The following RASA2 variants were observed in gnomAD, a reference collection of about 807,000 sequenced individuals.
RASA2 encodes the protein RAS p21 protein activator 2.
RASA2 carries 155 observed loss-of-function variants against 118.2 expected under a neutral mutation model. The observed-to-expected ratio is 1.31, with a 90% CI of 1.15 to 1.50. The LOEUF (loss-of-function observed/expected upper bound fraction) is 1.50, where lower values mean the gene tolerates loss of function less well. RASA2 is among the 40% of genes most tolerant of loss of function. The pLI is 0.00. For missense variants in RASA2, 1,016 were observed against 1,009.6 expected (o/e 1.01, Z -0.09); for synonymous variants, 353 against 349.1 (o/e 1.01, Z -0.12).
intron 1 of RASA2, among the ~76,000 whole-genome samples, chr3:141,500,495 A>G (rs1667825238): frequency 6.6e-6 from 1 of 152,184 alleles, no homozygotes; most frequent in African/African-American, 2.4e-5. Context: ...CTTTTCTACT[A>G]ATCACTTAAC....
At position 141,580,084 on chromosome 3, in the gene RASA2, AAATATATAT is replaced by A. The variant is rs1210298757; in HGVS notation, c.1591-282_1591-274del. Among the ~76,000 whole-genome samples, 266 of 88,886 alleles carry A rather than the reference AAATATATAT, an allele frequency of 3.0e-3. 7 individuals are homozygous for A. Among genetic ancestry groups the A allele is most frequent in the African/African-American group, 0.012 (231 of 19,744 alleles). The allele number at this position is 88,886 out of a possible 152,430, so 58.3% of individuals were successfully genotyped here. A position where few individuals can be genotyped will look rare whatever the true frequency, so the allele number is the denominator to read the frequency against. On this transcript the variant is annotated intron_variant, in intron 15 of 23. Transcript: ENST00000286364. ...AAAAAAAAAAGAAAAAAAAAAAAAA[AAATATATAT>A]ATATATATATATATATATATATATG... is the stretch of plus-strand genomic sequence containing the variant.
chr3:141,495,338 C>G (rs1222587538), intron 1 of RASA2, among the ~76,000 whole-genome samples: 2 of 152,176 alleles, frequency 1.3e-5, no homozygotes, highest in African/African-American at 4.8e-5. Flanking sequence ...CCTGTTAACT[C>G]TTAACCTACT....
chr3:141,584,678 G>C (rs1030178072), intron 17 of RASA2, among the ~76,000 whole-genome samples: 4 of 152,048 alleles, frequency 2.6e-5, no homozygotes, highest in African/African-American at 9.7e-5. Context: ...AATATTTTAG[G>C]CTTTGCTGAT....
Position 141,487,076 on chromosome 3 carries a change from GC to G in RASA2, c.-7del. ...GCGGCAGGGCTGCGGCACGGGCCGG[GC>G]GGCACCATGGCGGCGGCGGCGCCTG... is the stretch of plus-strand genomic sequence containing the variant. On this transcript the variant is annotated 5_prime_UTR_variant, in exon 1 of 24. Transcript: ENST00000286364. 2 of 1,334,960 alleles carry G rather than the reference GC, an allele frequency of 1.5e-6. No individual in the cohort carries two copies. Among genetic ancestry groups the G allele is most frequent in the Non-Finnish European group, 1.9e-6 (2 of 1,030,528 alleles). The allele number at this position is 1,334,960 out of a possible 1,614,324, so 82.7% of individuals were successfully genotyped here. A position where few individuals can be genotyped will look rare whatever the true frequency, so the allele number is the denominator to read the frequency against.
chr3:141,584,506 A>C (rs542555471), intron 17 of RASA2, among the ~76,000 whole-genome samples: 6 of 152,098 alleles, frequency 3.9e-5, no homozygotes, highest in Non-Finnish European at 8.8e-5. Context: ...GGATACTATA[A>C]ATTTTCTTGA....
chr3:141,569,421 A>G (rs1275998452), intron 9 of RASA2, among the ~76,000 whole-genome samples: 1 of 152,156 alleles, frequency 6.6e-6, no homozygotes, highest in Non-Finnish European at 1.5e-5. Flanking sequence ...GTTGAGTTCA[A>G]TTGTTTTTGC....
At chr3:141,524,453 C>T (rs1041249921) in intron 3 of RASA2, among the ~76,000 whole-genome samples, 2 of 152,148 alleles carry the variant, frequency 1.3e-5, no homozygotes, top group African/African-American at 4.8e-5. Flanking sequence ...ATATGTCTAT[C>T]GAAACCTCGT....
At chr3:141,504,986 A>G (rs1330973775) in intron 1 of RASA2, among the ~76,000 whole-genome samples, 1 of 152,010 alleles carries the variant, frequency 6.6e-6, no homozygotes, top group Non-Finnish European at 1.5e-5. Context: ...TATACCCTCA[A>G]TGACTTCCTT....
intron 19 of RASA2, among the ~76,000 whole-genome samples, chr3:141,588,583 A>T (rs75645897): frequency 0.027 from 4,064 of 152,324 alleles, 211 homozygotes; most frequent in African/African-American, 0.088. Context: ...TTTAAAGAGG[A>T]TATAACACAG....
chr3:141,558,947 A>G lies in RASA2; in HGVS notation c.746A>G (p.Glu249Gly). 6.2e-7 allele frequency: 1 copy of G among 1,604,276 alleles called. No homozygotes were observed. Among genetic ancestry groups the G allele is most frequent in the Non-Finnish European group, 8.5e-7 (1 of 1,171,820 alleles). Residue 249 changes from glutamate (E) to glycine (G), a missense_variant, in exon 8 of 24, where the codon GAA becomes GGA. Physicochemically the swap from Glu to Gly is moderately conservative, Grantham distance 98 (BLOSUM62 -2). Transcript: ENST00000286364. ...TTCCAGGTAGAAGAGGAGGACATTG[A>G]AAAGCTAGAAATCAGGTATGTGCCT... ...SQFQVEEEDI[E>G]KLEIRIDLWN...
At chr3:141,511,182 G>C (rs945747583) in intron 1 of RASA2, among the ~76,000 whole-genome samples, 3 of 152,090 alleles carry the variant, frequency 2.0e-5, no homozygotes, top group Non-Finnish European at 2.9e-5. Flanking sequence ...ATGGTAGACT[G>C]GGGAAAGGGC....
intron 19 of RASA2, among the ~76,000 whole-genome samples, chr3:141,602,168 G>GT (rs1233346957): frequency 6.6e-6 from 1 of 152,160 alleles, no homozygotes; most frequent in Non-Finnish European, 1.5e-5. Context: ...ACACTTTCCT[G>GT]TTTTTTTATA....
At chr3:141,600,534 C>A in intron 19 of RASA2, 1 of 284,582 alleles carries the variant, frequency 3.5e-6, no homozygotes, top group Non-Finnish European at 7.0e-6. Context: ...AGTGCTCTGC[C>A]TGCTTGGCCA....
chr3:141,575,630 A>G (rs1168614060), intron 14 of RASA2, among the ~76,000 whole-genome samples: 1 of 152,232 alleles, frequency 6.6e-6, no homozygotes. Flanking sequence ...CGTGGCCAAC[A>G]GGCAAGCAGG....
intron 5 of RASA2, among the ~76,000 whole-genome samples, chr3:141,546,810 G>T (rs761437393): frequency 6.6e-6 from 1 of 152,144 alleles, no homozygotes; most frequent in Non-Finnish European, 1.5e-5. Context: ...ATGTTTTCTT[G>T]TAGTAATTTC....
chr3:141,542,519 T>C (rs1218344287), intron 5 of RASA2, among the ~76,000 whole-genome samples: 2 of 152,130 alleles, frequency 1.3e-5, no homozygotes, highest in East Asian at 3.8e-4. Flanking sequence ...AACTTTAAAA[T>C]TTTGAAATAA....
rs1263102733 is a variant in RASA2, at chr3:141,613,043, A to G, written c.*730A>G. ...AATTGTTTTCATTGTTTTAAATACC[A>G]GGTACTCATTTTCTTGATTTGAAAG... On this transcript the variant is annotated 3_prime_UTR_variant, in exon 24 of 24. Transcript: ENST00000286364. 6.6e-6 allele frequency: 1 copy of G among 152,252 alleles called. No individual in the cohort carries two copies. Among genetic ancestry groups the G allele is most frequent in the Non-Finnish European group, 1.5e-5 (1 of 68,038 alleles). 9.4% of individuals were successfully genotyped at this position (152,252 alleles called of 1,614,324 possible).
chr3:141,565,439 C>G (rs1292063641), intron 9 of RASA2, among the ~76,000 whole-genome samples: 2 of 152,148 alleles, frequency 1.3e-5, no homozygotes, highest in Non-Finnish European at 2.9e-5. Context: ...TGGCTGTGTC[C>G]CTACCCAAAT....
Position 141,530,459 on chromosome 3 carries a change from G to A in RASA2, c.450+657G>A, listed in dbSNP as rs118102112. On this transcript the variant is annotated intron_variant, in intron 4 of 23. Coordinates refer to ENST00000286364, the MANE Select transcript of RASA2 (RefSeq NM_006506.5). ...TTAGAAATTATTTTTCTAACTAAAG[G>A]GAATCTTTTTGCTGTAGCCTTATTT... Among the ~76,000 whole-genome samples, 219 of 152,044 alleles carry A rather than the reference G, an allele frequency of 1.4e-3. 7 individuals are homozygous for A. The East Asian group carries it at 0.025, about 17-fold the overall frequency.
Sources: allele counts gnomAD v4.1 joint callset (sites outside exome capture counted in the v4.1 genomes callset), GRCh38; gene constraint gnomAD v4.1.1; transcripts MANE v1.5; gene names NCBI Gene and HGNC (gene_info 2026-07-23, HGNC 2026-07-21).